The following PCOLCE2 variants were observed in gnomAD, a reference collection of about 807,000 sequenced individuals.
PCOLCE2 encodes procollagen C-endopeptidase enhancer 2.
In PCOLCE2, 42 loss-of-function variants were observed where a neutral mutation model predicts 47.0. The ratio of observed to expected loss-of-function variants is 0.89; its 90% CI spans 0.70 to 1.16. The LOEUF is 1.16. Ranked by LOEUF, PCOLCE2 falls within the 50% of genes most tolerant of loss-of-function variation. The pLI is 0.00. For missense variants in PCOLCE2, 500 were observed against 526.1 expected, an observed-to-expected ratio of 0.95 and a Z score of 0.49; for synonymous variants, 169 against 191.7, an observed-to-expected ratio of 0.88 and a Z score of 0.98.
chr3:142,828,552 G>A lies in PCOLCE2; in HGVS notation c.865+1140C>T, dbSNP rs189151870. The stretch of plus-strand genomic sequence containing the variant: ...AGGAGAAAAGATAGAGGATATCAAA[G>A]ATGACCCTATGAGTGCGGCTACCGA... On this transcript the variant is annotated intron_variant, in intron 6 of 8. Coordinates refer to ENST00000295992, the MANE Select transcript of PCOLCE2 (RefSeq NM_013363.4). Among the ~76,000 whole-genome samples the A allele has an allele frequency of 8.2e-3, 1,249 of 152,290 alleles. 12 individuals carry two copies. The highest frequency in any genetic ancestry group is 0.027 in the South Asian group (129 of 4,818).
intron 2 of PCOLCE2, among the ~76,000 whole-genome samples, chr3:142,877,029 A>G (rs931069449): frequency 2.3e-4 from 35 of 152,294 alleles, no homozygotes; most frequent in Middle Eastern, 3.4e-3. Context: ...CCACCATATC[A>G]TGTTGTGTCT....
intron 6 of PCOLCE2, among the ~76,000 whole-genome samples, chr3:142,829,180 A>T (rs1937117978): frequency 6.6e-6 from 1 of 152,078 alleles, no homozygotes; most frequent in African/African-American, 2.4e-5. Flanking sequence ...TTTCCCAACC[A>T]GCCTCTGTAC....
At chr3:142,868,328 G>A (rs1166125040) in intron 2 of PCOLCE2, among the ~76,000 whole-genome samples, 5 of 152,066 alleles carry the variant, frequency 3.3e-5, no homozygotes, top group Admixed American at 1.3e-4. Context: ...TGGACCCCTC[G>A]TCTTGGCCAA....
chr3:142,825,888 A>G (rs1203539233), intron 6 of PCOLCE2, among the ~76,000 whole-genome samples: 1 of 152,110 alleles, frequency 6.6e-6, no homozygotes, highest in African/African-American at 2.4e-5. Context: ...CCTTCAGCAG[A>G]GTGACAGGCT....
chr3:142,854,101 G>A (rs572661784), intron 2 of PCOLCE2, among the ~76,000 whole-genome samples: 2 of 152,332 alleles, frequency 1.3e-5, no homozygotes, highest in African/African-American at 4.8e-5. Flanking sequence ...TCTTCTGTGT[G>A]GAGGAGTGCA....
chr3:142,887,907 A>G, intron 1 of PCOLCE2, 130 bp from the exon 2 acceptor site: 1 of 587,168 alleles, frequency 1.7e-6, no homozygotes, highest in Non-Finnish European at 3.0e-6. Flanking sequence ...CTTGCACCAT[A>G]TAAGGGATCT....
rs1261345639 is a variant in PCOLCE2, at chr3:142,823,552, T to C, written c.929A>G (p.Asn310Ser). 25 of 1,608,080 alleles carry C rather than the reference T, an allele frequency of 1.6e-5. No individual in the cohort carries two copies. Among genetic ancestry groups the C allele is most frequent in the Non-Finnish European group, 2.0e-5 (24 of 1,174,960 alleles). ...KCRRTGTLEG[N>S]YCSSDFVLAG... ...CTTACCAAAGTCACTTGAACAATAATTGCCCTCCAGAGTCCCCGTCCGTCT... is the reference window on the plus strand; with the variant it reads ...CTTACCAAAGTCACTTGAACAATAACTGCCCTCCAGAGTCCCCGTCCGTCT... Residue 310 changes from asparagine (N) to serine (S), a missense_variant, in exon 7 of 9, where the codon AAT (asparagine) becomes AGT (serine). Physicochemically the swap from Asn to Ser is conservative, Grantham distance 46. Transcript: ENST00000295992.
chr3:142,879,785 C>A (rs551148580), intron 2 of PCOLCE2, among the ~76,000 whole-genome samples: 1 of 151,558 alleles, frequency 6.6e-6, no homozygotes, highest in Non-Finnish European at 1.5e-5. Flanking sequence ...CTGGCTAACA[C>A]GGTGAAACCC....
intron 7 of PCOLCE2, among the ~76,000 whole-genome samples, 197 bp downstream of exon 7, chr3:142,823,335 T>C (rs1337964132): frequency 1.3e-5 from 2 of 152,208 alleles, no homozygotes. Context: ...ATGAAAAAAG[T>C]ATATTTTCTA....
chr3:142,859,102 G>A (rs2707990), intron 2 of PCOLCE2, among the ~76,000 whole-genome samples: 15,769 of 150,622 alleles, frequency 0.1, 1,040 homozygotes, highest in Middle Eastern at 0.14. Context: ...TGACTCTGTC[G>A]CCCAGGCTAG....
chr3:142,850,577 A>T (rs1231630446), intron 2 of PCOLCE2, among the ~76,000 whole-genome samples: 1 of 152,176 alleles, frequency 6.6e-6, no homozygotes, highest in Non-Finnish European at 1.5e-5. Context: ...AGGAGGAATG[A>T]ATGGGCAACT....
Position 142,877,575 on chromosome 3 carries a change from T to C in PCOLCE2, c.192+10094A>G, listed in dbSNP as rs565949159. Among the ~76,000 whole-genome samples, 7 of 152,354 alleles carry C rather than the reference T, an allele frequency of 4.6e-5. No homozygotes were observed. The East Asian group carries it at 7.7e-4, about 17-fold the overall frequency. ...TTTCATCTACTGCCTCCTTCAGTCT[T>C]CAGATTAACCTTACAAGGCATGTTT... On this transcript the variant is annotated intron_variant, in intron 2 of 8. Transcript: ENST00000295992.
At chr3:142,861,981 C>T (rs1050598485) in intron 2 of PCOLCE2, among the ~76,000 whole-genome samples, 3 of 152,158 alleles carry the variant, frequency 2.0e-5, no homozygotes, top group African/African-American at 4.8e-5. Flanking sequence ...GAGGTGGGGC[C>T]GGGGTCTCAC....
At chr3:142,829,529 C>A in intron 6 of PCOLCE2, 163 bp downstream of exon 6, 1 of 509,294 alleles carries the variant, frequency 2.0e-6, no homozygotes. Context: ...TCTTACACCC[C>A]ATACCTTTCT....
intron 2 of PCOLCE2, among the ~76,000 whole-genome samples, chr3:142,860,201 T>G (rs992088599): frequency 1.4e-4 from 21 of 152,166 alleles, no homozygotes; most frequent in African/African-American, 5.1e-4. Context: ...TGCGTGAAAT[T>G]TATTTCCTTG....
intron 2 of PCOLCE2, among the ~76,000 whole-genome samples, chr3:142,874,714 A>C (rs1217983360): frequency 1.3e-5 from 2 of 152,212 alleles, no homozygotes; most frequent in East Asian, 3.9e-4. Flanking sequence ...TCACTCACCT[A>C]CTACTGTATG....
chr3:142,841,580 C>T (rs1475810812), intron 4 of PCOLCE2, among the ~76,000 whole-genome samples: 1 of 152,068 alleles, frequency 6.6e-6, no homozygotes, highest in Non-Finnish European at 1.5e-5. Context: ...ATTCAACAGA[C>T]TTATAAAATC....
chr3:142,840,452 C>A (rs1357606967), intron 4 of PCOLCE2, among the ~76,000 whole-genome samples: 1 of 152,156 alleles, frequency 6.6e-6, no homozygotes, highest in East Asian at 1.9e-4. Context: ...AAGAACCCTC[C>A]TTGCTACTTC....
chr3:142,824,553 G>T (rs114406957), intron 6 of PCOLCE2, among the ~76,000 whole-genome samples: 80 of 152,354 alleles, frequency 5.3e-4, no homozygotes, highest in Admixed American at 1.4e-3. Context: ...CACGGTAACA[G>T]AATTGCCCTT....
Sources: gnomAD v4.1 joint callset for allele counts (sites outside exome capture counted in the v4.1 genomes callset) on GRCh38, gnomAD v4.1.1 for gene constraint, MANE v1.5 for transcripts, NCBI Gene and HGNC (gene_info 2026-07-23, HGNC 2026-07-21) for gene names.